The following ANKRD22 variants were observed in gnomAD, a reference collection of about 807,000 sequenced individuals.
ANKRD22 encodes the protein ankyrin repeat domain 22.
In ANKRD22, 24 loss-of-function variants were observed where a neutral mutation model predicts 25.7. The observed-to-expected ratio is 0.93, with a 90% CI of 0.68 to 1.31. ANKRD22 has a LOEUF of 1.31. Among genes scored for constraint, ANKRD22 ranks in the 50% most tolerant of loss-of-function variants. The pLI, the probability that ANKRD22 is intolerant of heterozygous loss-of-function variation, is 0.00. For missense variants in ANKRD22, 214 were observed against 227.1 expected, an observed-to-expected ratio of 0.94 and a Z score of 0.37; for synonymous variants, 84 against 84.3, an observed-to-expected ratio of 1.00 and a Z score of 0.02.
chr10:88,833,159 GTAAACCCCA>G (rs1355758339), intron 1 of ANKRD22, among the ~76,000 whole-genome samples: 27 of 152,156 alleles, frequency 1.8e-4, no homozygotes, highest in African/African-American at 6.0e-4. Context: ...AGTTCAGGCC[GTAAACCCCA>G]TTTTATTTAC....
At chr10:88,823,827 C>CAAAAAAAAAAAAAAAAAAAAAAAAAAAA (rs56194758) in intron 4 of ANKRD22, among the ~76,000 whole-genome samples, 8 of 103,752 alleles carry the variant, frequency 7.7e-5, no homozygotes, top group Admixed American at 4.2e-4. Context: ...GACTCCGTCT[C>CAAAAAAAAAAAAAAAAAAAAAAAAAAAA]AAAAAAAAAA....
chr10:88,848,170 ATG>A lies in ANKRD22; in HGVS notation c.21+3415_21+3416del, dbSNP rs1339164723. Reference sequence around the variant, plus strand: ...TGCGTGTATATATATATATGTATATATGTGTATATATATATGTATATATGTAT... The same window carrying A: ...TGCGTGTATATATATATATGTATATATGTATATATATATGTATATATGTAT... On this transcript the variant is annotated intron_variant, in intron 1 of 5. Coordinates refer to ENST00000371930, the MANE Select transcript of ANKRD22 (RefSeq NM_144590.3). 5.4e-5 allele frequency among the ~76,000 whole-genome samples: 7 copies of A among 130,706 alleles called. No individual in the cohort carries two copies. In the East Asian group the frequency reaches 1.7e-3, roughly 32 times the overall value. The allele number at this position is 130,706 out of a possible 152,430, so 85.7% of individuals were successfully genotyped here. A position where few individuals can be genotyped will look rare whatever the true frequency, so the allele number is the denominator to read the frequency against.
chr10:88,851,582 T>C lies in ANKRD22; in HGVS notation c.21+5A>G, dbSNP rs1333991857. On this transcript the variant is annotated splice_donor_5th_base_variant and intron_variant, in intron 1 of 5. Coordinates refer to ENST00000371930, the MANE Select transcript of ANKRD22 (RefSeq NM_144590.3). The stretch of plus-strand genomic sequence containing the variant: ...TGGAACTCTGCTTTCAGAAAGGTGA[T>C]GTACCTCAGAGTATAGGATTCCCAT... The C allele has an allele frequency of 1.2e-6, 2 of 1,613,278 alleles. No individual in the cohort carries two copies. The highest frequency in any genetic ancestry group is 1.3e-5 in the African/African-American group (1 of 74,894).
chr10:88,822,561 T>TTTTTTTTTTTTTTTTTTTTTTTTG lies in ANKRD22; in HGVS notation c.*379_*380insCAAAAAAAAAAAAAAAAAAAAAAA, dbSNP rs1843810339. 7.9e-6 allele frequency: 1 copy of TTTTTTTTTTTTTTTTTTTTTTTTG among 126,932 alleles called. No individual in the cohort carries two copies. Among genetic ancestry groups the TTTTTTTTTTTTTTTTTTTTTTTTG allele is most frequent in the Non-Finnish European group, 1.6e-5 (1 of 62,100 alleles). 7.9% of individuals were successfully genotyped at this position (126,932 alleles called of 1,614,324 possible). A position where few individuals can be genotyped will look rare whatever the true frequency, so the allele number is the denominator to read the frequency against. ...CACCAGGGCTTTTTTTTTTTTTTTTTTTTTTGAGACAGGGTCTCGCTGTGT... is the reference window on the plus strand; with the variant it reads ...CACCAGGGCTTTTTTTTTTTTTTTTTTTTTTTTTTTTTTTTTTTTTTTTGTTTTTGAGACAGGGTCTCGCTGTGT... On this transcript the variant is annotated 3_prime_UTR_variant, in exon 6 of 6. Transcript: ENST00000371930.
Position 88,851,611 on chromosome 10 carries a change from G to GTGAATGGGAAGTAA in ANKRD22, c.-5_-4insTTACTTCCCATTCA. On this transcript the variant is annotated 5_prime_UTR_variant, in exon 1 of 6. Transcript: ENST00000371930. ...CCTCAGAGTATAGGATTCCCATGCT[G>GTGAATGGGAAGTAA]GTCCTTCACAGGCTTACTTCACCTC... The GTGAATGGGAAGTAA allele has an allele frequency of 1.2e-6, 2 of 1,613,228 alleles. No individual in the cohort carries two copies. Among genetic ancestry groups the GTGAATGGGAAGTAA allele is most frequent in the Non-Finnish European group, 1.7e-6 (2 of 1,179,458 alleles).
rs891013841 is a variant in ANKRD22, at chr10:88,821,211, T to C, written c.*1730A>G. On this transcript the variant is annotated 3_prime_UTR_variant, in exon 6 of 6. Coordinates refer to ENST00000371930, the MANE Select transcript of ANKRD22 (RefSeq NM_144590.3). ...GCTAGGAGACCTAATGACTAAAAAT[T>C]TCTGGCTCAATTTTCTGCCTCCAAA... Among the ~76,000 whole-genome samples, 3 of 152,202 alleles carry C rather than the reference T, an allele frequency of 2.0e-5. 1 individual carries two copies. Among genetic ancestry groups the C allele is most frequent in the Non-Finnish European group, 4.4e-5 (3 of 68,022 alleles).
chr10:88,841,089 GT>G (rs1280972146), intron 1 of ANKRD22, among the ~76,000 whole-genome samples: 1 of 152,086 alleles, frequency 6.6e-6, no homozygotes, highest in African/African-American at 2.4e-5. Context: ...AGAACATGAA[GT>G]TATGTTCCTT....
Position 88,826,141 on chromosome 10 carries a change from A to T in ANKRD22, c.322-26T>A, listed in dbSNP as rs1427390673. On this transcript the variant is annotated intron_variant, in intron 3 of 5. Transcript: ENST00000371930. Reference sequence around the variant, plus strand: ...CTATTACAAATGGTAATTATAAGAAAGGCTTATTTACAAATAGTTTCTCCA... The same window carrying T: ...CTATTACAAATGGTAATTATAAGAATGGCTTATTTACAAATAGTTTCTCCA... The T allele has an allele frequency of 2.6e-6, 4 of 1,560,416 alleles. No homozygotes were observed. The African/African-American group carries it at 5.4e-5, about 21-fold the overall frequency.
chr10:88,843,417 T>C (rs1431258858), intron 1 of ANKRD22, among the ~76,000 whole-genome samples: 1 of 152,166 alleles, frequency 6.6e-6, no homozygotes, highest in Non-Finnish European at 1.5e-5. Context: ...TCACGCCTAA[T>C]CTTAAGCATG....
At chr10:88,826,239 C>T (rs1843855067) in intron 3 of ANKRD22, 124 bp from the exon 4 acceptor site, 2 of 719,278 alleles carry the variant, frequency 2.8e-6, no homozygotes, top group Non-Finnish European at 4.5e-6. Context: ...ATGCACCCTT[C>T]CTAAAATTTC....
chr10:88,845,084 C>CTT (rs56134150), intron 1 of ANKRD22, among the ~76,000 whole-genome samples: 137,935 of 152,064 alleles, frequency 0.91, 62,801 homozygotes, highest in East Asian at 1. Flanking sequence ...GAGAAACTCA[C>CTT]TTCTCCTCAC....
chr10:88,835,642 G>A (rs1384325666), intron 1 of ANKRD22, among the ~76,000 whole-genome samples: 1 of 152,156 alleles, frequency 6.6e-6, no homozygotes, highest in East Asian at 1.9e-4. Flanking sequence ...AAGATAAAAT[G>A]GTACACCTGT....
rs74147299 is a variant in ANKRD22, at chr10:88,849,076, A to C, written c.21+2511T>G. 8.5e-3 allele frequency among the ~76,000 whole-genome samples: 1,285 copies of C among 151,936 alleles called. 15 individuals are homozygous for C. Among genetic ancestry groups the C allele is most frequent in the East Asian group, 0.051 (265 of 5,158 alleles). ...TACAGCCTTATAATGAGAACTTCCC[A>C]ATGTTTAAAGGAATACATCATTTAA... is the stretch of plus-strand genomic sequence containing the variant. On this transcript the variant is annotated intron_variant, in intron 1 of 5. Transcript: ENST00000371930.
At chr10:88,831,502 G>A (rs1202733720) in intron 2 of ANKRD22, among the ~76,000 whole-genome samples, 1 of 152,140 alleles carries the variant, frequency 6.6e-6, no homozygotes, top group Non-Finnish European at 1.5e-5. Flanking sequence ...TTGCTTCTGT[G>A]TTAGTAATGA....
At chr10:88,846,249 C>A (rs1844047687) in intron 1 of ANKRD22, among the ~76,000 whole-genome samples, 3 of 152,030 alleles carry the variant, frequency 2.0e-5, no homozygotes, top group Admixed American at 2.0e-4. Flanking sequence ...GTATGCACAA[C>A]TGTCTTTAGT....
chr10:88,838,076 A>G (rs1226088420), intron 1 of ANKRD22, among the ~76,000 whole-genome samples: 1 of 152,224 alleles, frequency 6.6e-6, no homozygotes, highest in East Asian at 1.9e-4. Context: ...GATGTGATTG[A>G]GACAAGGGTA....
intron 2 of ANKRD22, 119 bp downstream of exon 2, chr10:88,831,716 T>C (rs2133073559): frequency 9.9e-7 from 1 of 1,013,256 alleles, no homozygotes; most frequent in Non-Finnish European, 1.4e-6. Context: ...TAGGCTAAGA[T>C]AATTGTTCGT....
At position 88,851,567 on chromosome 10, in the gene ANKRD22, C is replaced by G. The variant is rs1448286051; in HGVS notation, c.21+20G>C. Reference sequence around the variant, plus strand: ...AACTTTTAACATCTTTGGAACTCTGCTTTCAGAAAGGTGATGTACCTCAGA... The same window carrying G: ...AACTTTTAACATCTTTGGAACTCTGGTTTCAGAAAGGTGATGTACCTCAGA... On this transcript the variant is annotated intron_variant, in intron 1 of 5. Coordinates refer to ENST00000371930, the MANE Select transcript of ANKRD22 (RefSeq NM_144590.3). 2 of 1,612,824 alleles carry G rather than the reference C, an allele frequency of 1.2e-6. No individual in the cohort carries two copies. The highest frequency in any genetic ancestry group is 3.3e-5 in the Admixed American group (2 of 59,930).
chr10:88,834,339 A>G (rs938375386), intron 1 of ANKRD22, among the ~76,000 whole-genome samples: 1 of 152,254 alleles, frequency 6.6e-6, no homozygotes, highest in African/African-American at 2.4e-5. Flanking sequence ...ATGTAAGAAT[A>G]TAATCACCAG....
Sources: allele counts gnomAD v4.1 joint callset (sites outside exome capture counted in the v4.1 genomes callset), GRCh38; gene constraint gnomAD v4.1.1; transcripts MANE v1.5; gene names NCBI Gene and HGNC (gene_info 2026-07-23, HGNC 2026-07-21).